Variants in CATSPERE observed in about 807,000 individuals in gnomAD.
The protein encoded by CATSPERE is cation channel sperm-associated auxiliary subunit epsilon.
A neutral mutation model predicts 114.1 loss-of-function variants in CATSPERE; 93 were observed. The observed-to-expected ratio is 0.81, with a 90% confidence interval of 0.69 to 0.97. The LOEUF (loss-of-function observed/expected upper bound fraction) is 0.97, where lower values mean the gene tolerates loss of function less well. Among genes scored for constraint, CATSPERE ranks in the 50% least tolerant of loss-of-function variants. The pLI is 0.00. For synonymous variants in CATSPERE, 341 were observed against 384.1 expected, an observed-to-expected ratio of 0.89 and a Z score of 1.31; for missense variants, 1,058 against 1,131.6, an observed-to-expected ratio of 0.93 and a Z score of 0.93.
intron 5 of CATSPERE, among the ~76,000 whole-genome samples, chr1:244,490,155 A>G (rs1671771546): frequency 1.3e-5 from 2 of 152,178 alleles, no homozygotes; most frequent in South Asian, 4.1e-4. Flanking sequence ...TCGTAACTTC[A>G]AGGTCATTAT....
rs147861751 is a variant in CATSPERE, at chr1:244,518,528, A to T, written c.430-64A>T. ...AAAATAACAAATTCAATATATCCTG[A>T]TGTCACATCAAAATACTTTAGCTAT... On this transcript the variant is annotated intron_variant, in intron 7 of 21. Coordinates refer to ENST00000366534, the MANE Select transcript of CATSPERE (RefSeq NM_001130957.2). 418 of 963,298 alleles carry T rather than the reference A, an allele frequency of 4.3e-4. 1 individual carries two copies. In the African/African-American group the frequency reaches 4.8e-3, roughly 11 times the overall value. 59.7% of individuals were successfully genotyped at this position (963,298 alleles called of 1,614,324 possible).
chr1:244,536,935 GTTT>G (rs36070112), intron 8 of CATSPERE, among the ~76,000 whole-genome samples: 14 of 150,840 alleles, frequency 9.3e-5, no homozygotes, highest in East Asian at 3.9e-4. Context: ...AGTTCCAGGA[GTTT>G]TTTTTTTTTC....
intron 8 of CATSPERE, among the ~76,000 whole-genome samples, chr1:244,525,536 G>A (rs1678446144): frequency 6.6e-6 from 1 of 151,852 alleles, no homozygotes; most frequent in Admixed American, 6.6e-5. Flanking sequence ...TCATTGGTGA[G>A]GATACGCAAC....
chr1:244,486,408 G>A (rs1434268103), intron 5 of CATSPERE, among the ~76,000 whole-genome samples: 6 of 119,094 alleles, frequency 5.0e-5, no homozygotes, highest in Non-Finnish European at 7.0e-5. Flanking sequence ...TCGTAGTCAC[G>A]TGGTGGGTGG....
intron 8 of CATSPERE, among the ~76,000 whole-genome samples, chr1:244,548,370 C>G (rs1572691860): frequency 6.6e-6 from 1 of 152,320 alleles, no homozygotes; most frequent in East Asian, 1.9e-4. Flanking sequence ...CCCAGTCTGC[C>G]AGCAGCAGAT....
chr1:244,467,616 T>C (rs979781239), intron 2 of CATSPERE, among the ~76,000 whole-genome samples: 2 of 152,196 alleles, frequency 1.3e-5, no homozygotes, highest in African/African-American at 2.4e-5. Context: ...CTCCTAGGTA[T>C]ACATCCAGCA....
At chr1:244,511,258 AC>A (rs1675711239) in intron 7 of CATSPERE, among the ~76,000 whole-genome samples, 1 of 152,098 alleles carries the variant, frequency 6.6e-6, no homozygotes, top group Non-Finnish European at 1.5e-5. Flanking sequence ...AGTCTGTTTT[AC>A]CTACTATAAG....
chr1:244,508,613 GT>G (rs1231516019), intron 7 of CATSPERE, among the ~76,000 whole-genome samples: 1 of 151,492 alleles, frequency 6.6e-6, no homozygotes, highest in Non-Finnish European at 1.5e-5. Context: ...AAACACTACT[GT>G]TTTTTCTATG....
At position 244,568,087 on chromosome 1, in the gene CATSPERE, ACAGT is replaced by A. The variant is rs757821686; in HGVS notation, c.1508-4239_1508-4236del. ...TTTCTGTTTGTTAGTTTTCCTTCTA[ACAGT>A]CAGGCTCCTCTCCTGCAGGTCTGCT... On this transcript the variant is annotated intron_variant, in intron 10 of 21. Transcript: ENST00000366534. This position sits in a 1 kb window ranked among gnomAD's most constrained non-coding sequence, Gnocchi z 4.4. 3.0e-4 allele frequency among the ~76,000 whole-genome samples: 46 copies of A among 152,068 alleles called. No individual in the cohort carries two copies. The highest frequency in any genetic ancestry group is 3.4e-3 in the Middle Eastern group (1 of 294).
At chr1:244,615,086 C>G (rs577711714) in intron 19 of CATSPERE, among the ~76,000 whole-genome samples, 13 of 151,990 alleles carry the variant, frequency 8.6e-5, no homozygotes, top group South Asian at 2.1e-4. Flanking sequence ...GCTGCCCCGC[C>G]ACCACCCCAG....
chr1:244,545,502 G>A (rs186307021), intron 8 of CATSPERE, among the ~76,000 whole-genome samples: 2 of 152,310 alleles, frequency 1.3e-5, no homozygotes, highest in East Asian at 3.9e-4. Context: ...GTGGCAGATA[G>A]GGATGCTATG....
At chr1:244,611,542 C>T (rs1347233878) in intron 19 of CATSPERE, among the ~76,000 whole-genome samples, 1 of 152,010 alleles carries the variant, frequency 6.6e-6, no homozygotes, top group Non-Finnish European at 1.5e-5. Flanking sequence ...TTGCAGTGAG[C>T]CATGATCATG....
chr1:244,634,720 T>C (rs558968111), intron 20 of CATSPERE, among the ~76,000 whole-genome samples: 1 of 152,370 alleles, frequency 6.6e-6, no homozygotes, highest in East Asian at 1.9e-4. Context: ...CTCAAGTTGC[T>C]TAACCTATCT....
chr1:244,605,978 TA>T (rs1669937029), intron 18 of CATSPERE, among the ~76,000 whole-genome samples, 184 bp downstream of exon 18: 1 of 152,160 alleles, frequency 6.6e-6, no homozygotes, highest in Admixed American at 6.5e-5. Flanking sequence ...AGTTGTCACA[TA>T]AGACAGACAT....
intron 8 of CATSPERE, among the ~76,000 whole-genome samples, chr1:244,524,356 T>TA (rs1678148618): frequency 6.6e-6 from 1 of 150,824 alleles, no homozygotes; most frequent in Non-Finnish European, 1.5e-5. Context: ...ATTAAAGACT[T>TA]AAACATTAGA....
chr1:244,499,116 G>C, intron 7 of CATSPERE, 37 bp downstream of exon 7: 1 of 1,478,130 alleles, frequency 6.8e-7, no homozygotes. Context: ...AGTAAGAACA[G>C]AATGCTGCCT....
upstream of CATSPERE, among the ~76,000 whole-genome samples, chr1:244,452,434 A>G (rs1385880276): frequency 2.6e-5 from 4 of 152,268 alleles, no homozygotes; most frequent in Admixed American, 1.3e-4. Context: ...GTGTAAGTGT[A>G]GAATTGGAAA....
At chr1:244,557,534 T>TATATATATATATAC in intron 9 of CATSPERE, among the ~76,000 whole-genome samples, 1 of 17,750 alleles carries the variant, frequency 5.6e-5, no homozygotes, top group Non-Finnish European at 9.4e-5. Context: ...GAAATATTCA[T>TATATATATATATAC]ATATATATAT....
chr1:244,640,098 T>C lies in CATSPERE; in HGVS notation c.*17T>C. ...AAGAATTAGGAAAACTGAAAGTTTGTTTATTACAGATATATGCATATAGAG... is the reference window on the plus strand; with the variant it reads ...AAGAATTAGGAAAACTGAAAGTTTGCTTATTACAGATATATGCATATAGAG... On this transcript the variant is annotated 3_prime_UTR_variant, in exon 22 of 22. Coordinates refer to ENST00000366534, the MANE Select transcript of CATSPERE (RefSeq NM_001130957.2). 4 of 1,531,110 alleles carry C rather than the reference T, an allele frequency of 2.6e-6. No individual in the cohort carries two copies. Among genetic ancestry groups the C allele is most frequent in the South Asian group, 2.4e-5 (2 of 83,318 alleles). The allele number at this position is 1,531,110 out of a possible 1,614,324, so 94.8% of individuals were successfully genotyped here.
Sources: allele counts gnomAD v4.1 joint callset (sites outside exome capture counted in the v4.1 genomes callset), GRCh38; gene constraint gnomAD v4.1.1; non-coding constraint Gnocchi (gnomAD v3.1); transcripts MANE v1.5; gene names NCBI Gene and HGNC (gene_info 2026-07-23, HGNC 2026-07-21).